KCNK5: variants seen among roughly 807,000 people sequenced by gnomAD.
KCNK5 encodes the protein potassium two pore domain channel subfamily K member 5.
A neutral mutation model predicts 32.9 loss-of-function variants in KCNK5; 18 were observed. The observed-to-expected ratio is 0.55, with a 90% CI of 0.38 to 0.81. The LOEUF is 0.81. Among genes scored for constraint, KCNK5 ranks in the 30% least tolerant of loss-of-function variants. The pLI, the probability that KCNK5 is intolerant of heterozygous loss-of-function variation, is 0.00. For missense variants in KCNK5, 507 were observed against 651.0 expected, an observed-to-expected ratio of 0.78 and a Z score of 2.41; for synonymous variants, 276 against 275.3, an observed-to-expected ratio of 1.00 and a Z score of -0.03.
chr6:39,190,888 C>G lies in KCNK5; in HGVS notation c.*2G>C. ...AAGGTGGGGTGGGGAGCCGGCCCTG[C>G]CTCATGTGCCCTTGGGGCTGTTAGC... On this transcript the variant is annotated 3_prime_UTR_variant, in exon 5 of 5. Transcript: ENST00000359534. The G allele has an allele frequency of 6.8e-7, 1 of 1,463,956 alleles. No homozygotes were observed. Among genetic ancestry groups the G allele is most frequent in the Middle Eastern group, 1.8e-4 (1 of 5,532 alleles). The allele number at this position is 1,463,956 out of a possible 1,614,324, so 90.7% of individuals were successfully genotyped here. A position where few individuals can be genotyped will look rare whatever the true frequency, so the allele number is the denominator to read the frequency against.
chr6:39,194,718 A>G lies in KCNK5; in HGVS notation c.341T>C (p.Phe114Ser), dbSNP rs759542223. ...VAPKTPAGRLFCVFYGLFGVP... is the reference protein window; with the variant it reads ...VAPKTPAGRLSCVFYGLFGVP... ...CCCGAAGAGACCATAGAAAACACAGAAGAGGCGACCGGCGGGGGTCTTGGG... is the reference window on the plus strand; with the variant it reads ...CCCGAAGAGACCATAGAAAACACAGGAGAGGCGACCGGCGGGGGTCTTGGG... Residue 114 changes from phenylalanine to serine, a missense_variant, in exon 3 of 5, where the codon TTC becomes TCC. Physicochemically the swap from Phe to Ser is radical, Grantham distance 155. Coordinates refer to ENST00000359534, the MANE Select transcript of KCNK5 (RefSeq NM_003740.4). The surrounding 1 kb of genome is among the most constrained non-coding windows in gnomAD (Gnocchi z 4.7). 1.9e-6 allele frequency: 3 copies of G among 1,614,110 alleles called. No individual in the cohort carries two copies. Among genetic ancestry groups the G allele is most frequent in the Non-Finnish European group, 1.7e-6 (2 of 1,180,028 alleles).
Position 39,193,369 on chromosome 6 carries a change from T to A in KCNK5, c.634+800A>T, listed in dbSNP as rs149105614. 1.5e-4 allele frequency among the ~76,000 whole-genome samples: 23 copies of A among 152,316 alleles called. No homozygotes were observed. In the Middle Eastern group the frequency reaches 0.01, roughly 68 times the overall value. On this transcript the variant is annotated intron_variant, in intron 4 of 4. Coordinates refer to ENST00000359534, the MANE Select transcript of KCNK5 (RefSeq NM_003740.4). ...CAGCCAACTGCTCCCAGATGCCACA[T>A]ACATCAAGCACAAGGCTAGTGGCCT... is the stretch of plus-strand genomic sequence containing the variant.
At chr6:39,193,075 C>T (rs1770968745) in intron 4 of KCNK5, among the ~76,000 whole-genome samples, 1 of 152,216 alleles carries the variant, frequency 6.6e-6, no homozygotes, top group East Asian at 1.9e-4. Context: ...ACCCTTAACA[C>T]TCATGAATAG....
Position 39,191,039 on chromosome 6 carries a change from G to C in KCNK5, c.1351C>G (p.Gln451Glu). 2 of 1,609,882 alleles carry C rather than the reference G, an allele frequency of 1.2e-6. No homozygotes were observed. Among genetic ancestry groups the C allele is most frequent in the Non-Finnish European group, 1.7e-6 (2 of 1,177,882 alleles). The change falls in exon 5 of 5, where the codon CAG becomes GAG. Residue 451 changes from glutamine to glutamate, a missense_variant. Coordinates refer to ENST00000359534, the MANE Select transcript of KCNK5 (RefSeq NM_003740.4). This position sits in a 1 kb window ranked among gnomAD's most constrained non-coding sequence, Gnocchi z 5.8. Reference protein sequence around the residue: ...DNLAGEESPQQGAEAKAPLNM... With the variant: ...DNLAGEESPQEGAEAKAPLNM... ...AGGGGCGCCTTGGCTTCAGCCCCCT[G>C]CTGGGGGCTCTCCTCCCCTGCCAAG...
intron 1 of KCNK5, among the ~76,000 whole-genome samples, chr6:39,219,573 C>T (rs1771504715): frequency 1.3e-5 from 2 of 152,200 alleles, no homozygotes; most frequent in South Asian, 4.2e-4. Context: ...ATAATGGCAC[C>T]CCTACCCCTT....
chr6:39,220,587 C>T (rs1340490247), intron 1 of KCNK5, among the ~76,000 whole-genome samples: 1 of 152,180 alleles, frequency 6.6e-6, no homozygotes, highest in Non-Finnish European at 1.5e-5. Context: ...GGAAACCGTC[C>T]CTATTTTTAG....
chr6:39,214,844 C>T (rs888640649), intron 1 of KCNK5, among the ~76,000 whole-genome samples: 1 of 152,206 alleles, frequency 6.6e-6, no homozygotes, highest in Admixed American at 6.5e-5. Flanking sequence ...CAGGCCCTCA[C>T]AATATGCCCC....
At chr6:39,195,775 T>A in intron 2 of KCNK5, 101 bp downstream of exon 2, 1 of 729,648 alleles carries the variant, frequency 1.4e-6, no homozygotes. Context: ...CTGATCTGAT[T>A]GTACCCCCAA....
At chr6:39,206,301 C>T (rs1157497770) in intron 1 of KCNK5, among the ~76,000 whole-genome samples, 1 of 152,206 alleles carries the variant, frequency 6.6e-6, no homozygotes, top group Non-Finnish European at 1.5e-5. Context: ...GCTGTGCGGT[C>T]ATACCCACGG....
At chr6:39,226,884 C>T (rs1771681870) in intron 1 of KCNK5, among the ~76,000 whole-genome samples, 1 of 152,100 alleles carries the variant, frequency 6.6e-6, no homozygotes, top group African/African-American at 2.4e-5. Context: ...TGTCCTTGTT[C>T]AAGAACTTAT....
chr6:39,193,812 G>A (rs1353457444), intron 4 of KCNK5, among the ~76,000 whole-genome samples: 1 of 152,162 alleles, frequency 6.6e-6, no homozygotes, highest in Non-Finnish European at 1.5e-5. Flanking sequence ...TGGGCTCAGG[G>A]GCTCCCTGGG....
intron 1 of KCNK5, among the ~76,000 whole-genome samples, chr6:39,196,555 C>T (rs7452420): frequency 6.6e-6 from 1 of 152,298 alleles, no homozygotes; most frequent in African/African-American, 2.4e-5. Context: ...ACCCTTCAGC[C>T]TACTGTAGGA....
chr6:39,191,167 T>C lies in KCNK5; in HGVS notation c.1223A>G (p.Gln408Arg). 6.2e-7 allele frequency: 1 copy of C among 1,614,226 alleles called. No homozygotes were observed. The highest frequency in any genetic ancestry group is 8.5e-7 in the Non-Finnish European group (1 of 1,180,036). Residue 408 changes from glutamine to arginine, a missense_variant, in exon 5 of 5, where the codon CAG becomes CGG. By Grantham distance (43) the Gln-to-Arg change is conservative. Coordinates refer to ENST00000359534, the MANE Select transcript of KCNK5 (RefSeq NM_003740.4). This position sits in a 1 kb window ranked among gnomAD's most constrained non-coding sequence, Gnocchi z 5.8. ...ISEECEPWDA[Q>R]DYHPLIFQDA... is the part of the protein sequence containing the mutation. ...CTGGAAGATGAGTGGGTGGTAGTCC[T>C]GGGCGTCCCATGGCTCGCATTCCTC...
At chr6:39,224,599 C>G (rs913790173) in intron 1 of KCNK5, among the ~76,000 whole-genome samples, 6 of 152,226 alleles carry the variant, frequency 3.9e-5, no homozygotes, top group Non-Finnish European at 5.9e-5. Context: ...ATATGGAAAA[C>G]CTTAGAACAC....
At chr6:39,221,864 A>T (rs992534117) in intron 1 of KCNK5, among the ~76,000 whole-genome samples, 1 of 151,990 alleles carries the variant, frequency 6.6e-6, no homozygotes, top group African/African-American at 2.4e-5. Flanking sequence ...ACAACCCACC[A>T]CTGAGCACTT....
chr6:39,200,317 A>T (rs867100251), intron 1 of KCNK5, among the ~76,000 whole-genome samples: 41 of 152,262 alleles, frequency 2.7e-4, no homozygotes, highest in Middle Eastern at 3.4e-3. Flanking sequence ...TTGGGAACGG[A>T]GTAGAGTTCC....
chr6:39,198,912 T>A (rs955555387), intron 1 of KCNK5, among the ~76,000 whole-genome samples: 5 of 152,318 alleles, frequency 3.3e-5, no homozygotes, highest in African/African-American at 4.8e-5. Context: ...GTAGCCAGCA[T>A]CCATCAAGGG....
Position 39,229,452 on chromosome 6 carries a change from C to T in KCNK5, c.-341G>A, listed in dbSNP as rs528824884. 266 of 267,012 alleles carry T rather than the reference C, an allele frequency of 1.0e-3. No homozygotes were observed. Among genetic ancestry groups the T allele is most frequent in the Admixed American group, 1.5e-3 (31 of 20,450 alleles). 16.5% of individuals were successfully genotyped at this position (267,012 alleles called of 1,614,324 possible). A position where few individuals can be genotyped will look rare whatever the true frequency, so the allele number is the denominator to read the frequency against. ...TGGGCCGCTTCTCCACGCGTCGCTC[C>T]TCCGCGCGCCACTAGCAGTATGCGC... On this transcript the variant is annotated 5_prime_UTR_variant, in exon 1 of 5. Transcript: ENST00000359534.
At chr6:39,210,697 G>A (rs1029485723) in intron 1 of KCNK5, among the ~76,000 whole-genome samples, 2 of 152,296 alleles carry the variant, frequency 1.3e-5, no homozygotes, top group South Asian at 2.1e-4. Flanking sequence ...TGCTCAGGAG[G>A]ATCTCATAGT....
Sources: allele counts gnomAD v4.1 joint callset (sites outside exome capture counted in the v4.1 genomes callset), GRCh38; gene constraint gnomAD v4.1.1; non-coding constraint Gnocchi (gnomAD v3.1); transcripts MANE v1.5; gene names NCBI Gene and HGNC (gene_info 2026-07-23, HGNC 2026-07-21).